The following SUSD1 variants were observed in gnomAD, a reference collection of about 807,000 sequenced individuals.
SUSD1 encodes the protein sushi domain-containing protein 1.
Under a neutral mutation model 86.9 loss-of-function variants are expected in SUSD1, and 65 were observed. The ratio of observed to expected loss-of-function variants is 0.75; its 90% CI spans 0.61 to 0.92. The LOEUF (loss-of-function observed/expected upper bound fraction) is 0.92. SUSD1 is among the 40% of genes least tolerant of loss of function. The pLI is 0.00. For synonymous variants in SUSD1, 346 were observed against 350.0 expected, an observed-to-expected ratio of 0.99 and a Z score of 0.13; for missense variants, 850 against 929.7, an observed-to-expected ratio of 0.91 and a Z score of 1.11.
chr9:112,080,066 T>C lies in SUSD1; in HGVS notation c.1566+8A>G, dbSNP rs777970899. 2.8e-5 allele frequency: 45 copies of C among 1,600,800 alleles called. No homozygotes were observed. Among genetic ancestry groups the C allele is most frequent in the Non-Finnish European group, 2.3e-5 (27 of 1,168,312 alleles). On this transcript the variant is annotated splice_region_variant and intron_variant, in intron 11 of 16. Coordinates refer to ENST00000374270, the MANE Select transcript of SUSD1 (RefSeq NM_022486.5). ...CATCTATAAATACAGTAACTTTCAG[T>C]CACTTACTAAATACATCTCCTCCAT...
chr9:112,155,871 GGAA>G, intron 2 of SUSD1, among the ~76,000 whole-genome samples: 1 of 148,892 alleles, frequency 6.7e-6, no homozygotes, highest in East Asian at 2.0e-4. Flanking sequence ...AAGAGGAAGA[GGAA>G]GAAGGAGAAG....
At chr9:112,051,879 G>A (rs9792483) in intron 15 of SUSD1, among the ~76,000 whole-genome samples, 11,122 of 151,964 alleles carry the variant, frequency 0.073, 535 homozygotes, top group South Asian at 0.14. Flanking sequence ...ACACTGCTCT[G>A]CCTCCAACCA....
At chr9:112,079,309 T>A (rs1374762958) in intron 11 of SUSD1, among the ~76,000 whole-genome samples, 8 of 152,182 alleles carry the variant, frequency 5.3e-5, no homozygotes, top group Non-Finnish European at 8.8e-5. Flanking sequence ...GGCAGCTTTC[T>A]CCTTATTCTC....
At chr9:112,070,445 C>T (rs573229429) in intron 12 of SUSD1, among the ~76,000 whole-genome samples, 1 of 152,348 alleles carries the variant, frequency 6.6e-6, no homozygotes, top group East Asian at 1.9e-4. Context: ...TTCCTTGTCT[C>T]CCAAACTGAT....
chr9:112,149,423 C>T (rs1353347707), intron 2 of SUSD1, 24 bp from the exon 3 acceptor site: 6 of 1,610,340 alleles, frequency 3.7e-6, no homozygotes, highest in South Asian at 1.1e-5. Flanking sequence ...GACAAGGCAC[C>T]GGAAGAGCTA....
chr9:112,168,907 C>A (rs1167977022), intron 1 of SUSD1, among the ~76,000 whole-genome samples: 1 of 152,214 alleles, frequency 6.6e-6, no homozygotes, highest in African/African-American at 2.4e-5. Context: ...CACAACCTTC[C>A]TGAGATTCTG....
chr9:112,147,290 C>T (rs1183436905), intron 3 of SUSD1, among the ~76,000 whole-genome samples: 3 of 151,734 alleles, frequency 2.0e-5, no homozygotes, highest in Admixed American at 6.6e-5. Flanking sequence ...GTGAATCAGC[C>T]GAGGTCAGGA....
intron 10 of SUSD1, among the ~76,000 whole-genome samples, chr9:112,097,722 C>G (rs940019069): frequency 2.6e-5 from 4 of 152,056 alleles, no homozygotes. Context: ...ATGCAAAGGC[C>G]AAACTGCCCA....
At chr9:112,110,909 A>G (rs1831067357) in intron 8 of SUSD1, among the ~76,000 whole-genome samples, 1 of 151,648 alleles carries the variant, frequency 6.6e-6, no homozygotes, top group African/African-American at 2.4e-5. Context: ...CCCACTCTCA[A>G]CTTGATCTCT....
chr9:112,125,579 AAAAG>A (rs927413949), intron 5 of SUSD1, among the ~76,000 whole-genome samples: 1 of 152,204 alleles, frequency 6.6e-6, no homozygotes. Flanking sequence ...CAGAGAAAAA[AAAAG>A]AAAGAAAAAA....
rs1262953487 is a variant in SUSD1 at position 112,145,278 on chromosome 9, C to CTTT, written c.374-1658_374-1656dup. Among the ~76,000 whole-genome samples, 14 of 107,446 alleles carry CTTT rather than the reference C, an allele frequency of 1.3e-4. 1 individual carries two copies. The highest frequency in any genetic ancestry group is 1.9e-4 in the Admixed American group (2 of 10,268). 70.5% of individuals were successfully genotyped at this position (107,446 alleles called of 152,430 possible). ...AAAAAGCTAGTAATACCATAATTTC[C>CTTT]TTTTTTTTTTTTTTTTTTTGAGACA... On this transcript the variant is annotated intron_variant, in intron 3 of 16. Coordinates refer to ENST00000374270, the MANE Select transcript of SUSD1 (RefSeq NM_022486.5).
intron 8 of SUSD1, among the ~76,000 whole-genome samples, chr9:112,111,193 C>T (rs1831082045): frequency 6.6e-6 from 1 of 152,110 alleles, no homozygotes; most frequent in African/African-American, 2.4e-5. Context: ...AAGGTTTTGC[C>T]ATGTTGGCCA....
chr9:112,049,817 C>T (rs1189621921), intron 15 of SUSD1, among the ~76,000 whole-genome samples: 1 of 152,144 alleles, frequency 6.6e-6, no homozygotes, highest in Non-Finnish European at 1.5e-5. Flanking sequence ...CTATTATCTT[C>T]CAGAGATTTC....
intron 5 of SUSD1, among the ~76,000 whole-genome samples, chr9:112,134,476 C>A (rs1832170856): frequency 6.6e-6 from 1 of 152,144 alleles, no homozygotes; most frequent in South Asian, 2.1e-4. Context: ...ACAGAAAATT[C>A]TAATATCCTA....
chr9:112,084,232 A>G (rs990537333), intron 10 of SUSD1, among the ~76,000 whole-genome samples: 2 of 151,900 alleles, frequency 1.3e-5, no homozygotes, highest in Non-Finnish European at 2.9e-5. Context: ...CTTGAAAGGG[A>G]AAAAAAATAC....
intron 11 of SUSD1, 91 bp from the exon 12 acceptor site, chr9:112,078,815 T>A: frequency 2.2e-6 from 2 of 924,306 alleles, no homozygotes; most frequent in Non-Finnish European, 3.0e-6. Context: ...CTTTCTCTTT[T>A]TTTTTTTTTT....
rs140748674 is a variant in SUSD1, at chr9:112,157,527, C to T, written c.190G>A (p.Val64Ile). 2.5e-6 allele frequency: 4 copies of T among 1,614,118 alleles called. No individual in the cohort carries two copies. In the African/African-American group the frequency reaches 4.0e-5, roughly 16 times the overall value. The stretch of plus-strand genomic sequence containing the variant: ...ACACACTGAGTCCTCCCGTTCCCTA[C>T]AAATCCATAGTTGCAAATACAGATC... ...KKICICNYGF[V>I]GNGRTQCVDK... is the part of the protein sequence containing the mutation. The change falls in exon 2 of 17, where the codon GTA (valine) becomes ATA (isoleucine). Residue 64 changes from valine (V) to isoleucine (I), a missense_variant. Val to Ile is a conservative substitution (Grantham distance 29, BLOSUM62 3). Transcript: ENST00000374270.
At chr9:112,093,990 C>T (rs1830300830) in intron 10 of SUSD1, among the ~76,000 whole-genome samples, 2 of 152,116 alleles carry the variant, frequency 1.3e-5, no homozygotes, top group Non-Finnish European at 2.9e-5. Context: ...AGAGCTTTGA[C>T]ATTGCCCGGA....
At chr9:112,068,658 C>T (rs972075012) in intron 12 of SUSD1, among the ~76,000 whole-genome samples, 3 of 149,382 alleles carry the variant, frequency 2.0e-5, no homozygotes, top group East Asian at 2.0e-4. Flanking sequence ...GCCAAGATTG[C>T]ACCACTGCAC....
Sources: allele counts gnomAD v4.1 joint callset (sites outside exome capture counted in the v4.1 genomes callset), GRCh38; gene constraint gnomAD v4.1.1; transcripts MANE v1.5; gene names NCBI Gene and HGNC (gene_info 2026-07-23, HGNC 2026-07-21).